The following C15orf40 variants were observed in gnomAD, a reference collection of about 807,000 sequenced individuals.
C15orf40 encodes UPF0235 protein C15orf40.
In C15orf40, 9 loss-of-function variants were observed where a neutral mutation model predicts 13.9. The observed-to-expected ratio is 0.65, with a 90% CI of 0.39 to 1.13. C15orf40 has a LOEUF of 1.13. C15orf40 is among the 50% of genes most tolerant of loss of function. C15orf40 has a pLI of 0.01. For missense variants in C15orf40, 225 were observed against 188.5 expected (o/e 1.19, Z -1.13); for synonymous variants, 95 against 69.2 (o/e 1.37, Z -1.85).
chr15:82,989,323 G>C, downstream of C15orf40: 2 of 680,796 alleles, frequency 2.9e-6, no homozygotes, highest in Non-Finnish European at 4.5e-6. Flanking sequence ...ACAGTACCTG[G>C]TACATCATTT....
At position 83,004,687 on chromosome 15, in the gene C15orf40, AC is replaced by A; in HGVS notation, c.*909del. 1.1e-6 allele frequency: 1 copy of A among 920,544 alleles called. No individual in the cohort carries two copies. Among genetic ancestry groups the A allele is most frequent in the Non-Finnish European group, 1.3e-6 (1 of 768,646 alleles). 57.0% of individuals were successfully genotyped at this position (920,544 alleles called of 1,614,324 possible). A position where few individuals can be genotyped will look rare whatever the true frequency, so the allele number is the denominator to read the frequency against. ...TAATTACAAGTCATGATTTTTCTTT[AC>A]TTTTTCAACAAAATGGTAAATATAG... On this transcript the variant is annotated 3_prime_UTR_variant, in exon 4 of 4. Transcript: ENST00000304177.
chr15:82,990,155 C>G, downstream of C15orf40: 1 of 520,274 alleles, frequency 1.9e-6, no homozygotes, highest in South Asian at 4.9e-5. Flanking sequence ...AGTTTTACAT[C>G]TGATTTTACA....
chr15:82,990,543 CTT>C (rs397854504), downstream of C15orf40: 15,797 of 662,570 alleles, frequency 0.024, no homozygotes, highest in Admixed American at 0.028. Context: ...AAAACAATTG[CTT>C]TTTTTTTTTT....
At chr15:83,007,074 GC>G (rs1190147194) in intron 3 of C15orf40, among the ~76,000 whole-genome samples, 2 of 152,108 alleles carry the variant, frequency 1.3e-5, no homozygotes, top group African/African-American at 4.8e-5. Flanking sequence ...ACATGGCTGG[GC>G]CCCCCTCCTG....
At position 83,003,121 on chromosome 15, in the gene C15orf40, CTTTTT is replaced by C. The variant is rs781626119; in HGVS notation, c.*2471_*2475del. ...CAACACGCCTGACCAAAAGTTGATC[CTTTTT>C]TTTTTTTTTTTTTTTTGAGATGGAG... On this transcript the variant is annotated 3_prime_UTR_variant, in exon 4 of 4. Transcript: ENST00000304177. 7.0e-5 allele frequency: 8 copies of C among 114,520 alleles called. No individual in the cohort carries two copies. Among genetic ancestry groups the C allele is most frequent in the African/African-American group, 1.4e-4 (4 of 29,554 alleles). 7.1% of individuals were successfully genotyped at this position (114,520 alleles called of 1,614,324 possible). A position where few individuals can be genotyped will look rare whatever the true frequency, so the allele number is the denominator to read the frequency against.
downstream of C15orf40, among the ~76,000 whole-genome samples, chr15:82,994,272 G>A (rs1364497390): frequency 6.6e-6 from 1 of 152,116 alleles, no homozygotes; most frequent in Non-Finnish European, 1.5e-5. Flanking sequence ...CCCTGAATCA[G>A]GTTATTGACA....
rs974502237 is a variant in C15orf40, at chr15:83,005,298, C to T, written c.*299G>A. 6 of 985,572 alleles carry T rather than the reference C, an allele frequency of 6.1e-6. No individual in the cohort carries two copies. Among genetic ancestry groups the T allele is most frequent in the African/African-American group, 1.8e-5 (1 of 56,884 alleles). 61.1% of individuals were successfully genotyped at this position (985,572 alleles called of 1,614,324 possible). On this transcript the variant is annotated 3_prime_UTR_variant, in exon 4 of 4. Transcript: ENST00000304177. ...GATGTATTTTTTATTTCTTTTTTTT[C>T]GGGGGGAGAGAGTTTCACTCTTGTT...
At chr15:83,008,955 T>C (rs1159905892) in intron 2 of C15orf40, among the ~76,000 whole-genome samples, 1 of 152,194 alleles carries the variant, frequency 6.6e-6, no homozygotes, top group East Asian at 1.9e-4. Context: ...ATCCTGGATT[T>C]AGGCAACTGG....
chr15:83,011,624 G>A lies in C15orf40; in HGVS notation c.-17C>T. On this transcript the variant is annotated 5_prime_UTR_variant, in exon 1 of 4. Transcript: ENST00000304177. ...CCGCAGCATCCCCGCCTGGGAAGGC[G>A]CCGGAAGAGCCCTCTGCGCTTGCGC... is the stretch of plus-strand genomic sequence containing the variant. 2.6e-6 allele frequency: 4 copies of A among 1,553,090 alleles called. No individual in the cohort carries two copies. Among genetic ancestry groups the A allele is most frequent in the Non-Finnish European group, 3.5e-6 (4 of 1,154,292 alleles).
chr15:83,010,597 T>C (rs1338397462), intron 1 of C15orf40: 1 of 469,282 alleles, frequency 2.1e-6, no homozygotes, highest in South Asian at 2.9e-5. Flanking sequence ...CAAGAAAACC[T>C]AACTCTGGCT....
chr15:82,995,356 C>A lies in C15orf40; in HGVS notation c.*10241G>T, dbSNP rs1019124001. On this transcript the variant is annotated 3_prime_UTR_variant, in exon 4 of 4. Coordinates refer to ENST00000304177, the MANE Select transcript of C15orf40 (RefSeq NM_144597.3). ...AGGCCTCTGGGTGCCAGAGAAACAT[C>A]TTGCTTCTGAGGAATTCAATTATCA... 1.3e-5 allele frequency: 2 copies of A among 152,274 alleles called. No individual in the cohort carries two copies. The highest frequency in any genetic ancestry group is 2.9e-5 in the Non-Finnish European group (2 of 68,082). The allele number at this position is 152,274 out of a possible 1,614,324, so 9.4% of individuals were successfully genotyped here.
rs2031439355 is a variant in C15orf40, at chr15:83,001,988, G to C, written c.*3609C>G. 6.6e-6 allele frequency: 1 copy of C among 152,250 alleles called. No individual in the cohort carries two copies. The allele number at this position is 152,250 out of a possible 1,614,324, so 9.4% of individuals were successfully genotyped here. On this transcript the variant is annotated 3_prime_UTR_variant, in exon 4 of 4. Coordinates refer to ENST00000304177, the MANE Select transcript of C15orf40 (RefSeq NM_144597.3). Reference sequence around the variant, plus strand: ...AGTGGTGTGATCCCGGCTCACTGCAGCTTCTGATTCCCGGGTTCAAGCAAT... The same window carrying C: ...AGTGGTGTGATCCCGGCTCACTGCACCTTCTGATTCCCGGGTTCAAGCAAT...
downstream of C15orf40, among the ~76,000 whole-genome samples, chr15:82,992,697 A>T (rs1684521507): frequency 6.6e-6 from 1 of 152,142 alleles, no homozygotes; most frequent in South Asian, 2.1e-4. Context: ...GGAAGCTCAG[A>T]AGAGAGGTGG....
Position 83,011,513 on chromosome 15 carries a change from G to A in C15orf40, c.95C>T (p.Ala32Val). 6.2e-7 allele frequency: 1 copy of A among 1,606,338 alleles called. No individual in the cohort carries two copies. Among genetic ancestry groups the A allele is most frequent in the Non-Finnish European group, 8.5e-7 (1 of 1,177,956 alleles). ...GCTACTGGCCTTGGTCGTCGCACCA[G>A]CCTTCTTAGGCATCTCGGCGCAAAG... is the stretch of plus-strand genomic sequence containing the variant. ...RLLCAEMPKKAGATTKGKSQS... is the reference protein window; with the variant it reads ...RLLCAEMPKKVGATTKGKSQS... Residue 32 changes from alanine to valine, a missense_variant, in exon 1 of 4, where the codon GCT becomes GTT. Coordinates refer to ENST00000304177, the MANE Select transcript of C15orf40 (RefSeq NM_144597.3).
At position 83,008,664 on chromosome 15, in the gene C15orf40, C is replaced by T. The variant is rs1361607450; in HGVS notation, c.250G>A (p.Glu84Lys). 6.2e-7 allele frequency: 1 copy of T among 1,604,974 alleles called. No homozygotes were observed. The highest frequency in any genetic ancestry group is 8.5e-7 in the Non-Finnish European group (1 of 1,176,662). ...KQNAVTDLTAEAVNVAIAAPP... is the reference protein window; with the variant it reads ...KQNAVTDLTAKAVNVAIAAPP... The stretch of plus-strand genomic sequence containing the variant: ...GCTGCAATAGCTACATTTACAGCCT[C>T]TGCTGTCAAATCTGGAATGAAAATA... The change falls in exon 3 of 4, where the codon GAG becomes AAG. Residue 84 changes from glutamate (E) to lysine (K), a missense_variant. Coordinates refer to ENST00000304177, the MANE Select transcript of C15orf40 (RefSeq NM_144597.3).
chr15:83,003,291 A>G lies in C15orf40; in HGVS notation c.*2306T>C, dbSNP rs1408657020. 6.6e-6 allele frequency: 1 copy of G among 151,568 alleles called. No homozygotes were observed. The allele number at this position is 151,568 out of a possible 1,614,324, so 9.4% of individuals were successfully genotyped here. ...CAGGCATGTGCCACCACGCCCAGCT[A>G]ATTTTTTGTATTTTTAGTAGAGATG... On this transcript the variant is annotated 3_prime_UTR_variant, in exon 4 of 4. Coordinates refer to ENST00000304177, the MANE Select transcript of C15orf40 (RefSeq NM_144597.3).
rs1269767180 is a variant in C15orf40 at position 83,004,458 on chromosome 15, G to A, written c.*1139C>T. 3.3e-5 allele frequency: 28 copies of A among 837,722 alleles called. No homozygotes were observed. The highest frequency in any genetic ancestry group is 3.7e-5 in the Non-Finnish European group (26 of 695,432). The allele number at this position is 837,722 out of a possible 1,614,324, so 51.9% of individuals were successfully genotyped here. A position where few individuals can be genotyped will look rare whatever the true frequency, so the allele number is the denominator to read the frequency against. ...AATTACTATAACTTGACCTGAAGAT[G>A]TAAAAATATATTATTAGCTTTTGAA... On this transcript the variant is annotated 3_prime_UTR_variant, in exon 4 of 4. Transcript: ENST00000304177.
In C15orf40 at chr15:83,005,704, G is replaced by C. The variant is rs532221294; in HGVS notation, c.367-12C>G. 54 of 1,608,690 alleles carry C rather than the reference G, an allele frequency of 3.4e-5. 1 individual carries two copies. In the South Asian group the frequency reaches 5.1e-4, roughly 15 times the overall value. On this transcript the variant is annotated splice_polypyrimidine_tract_variant and intron_variant, in intron 3 of 3. Coordinates refer to ENST00000304177, the MANE Select transcript of C15orf40 (RefSeq NM_144597.3). ...CGAGATTTACCACCCTGGACCAAAAGAGAAAAAGCATACTTTACTGTTTAG... is the reference window on the plus strand; with the variant it reads ...CGAGATTTACCACCCTGGACCAAAACAGAAAAAGCATACTTTACTGTTTAG...
downstream of C15orf40, among the ~76,000 whole-genome samples, chr15:82,993,374 G>C: frequency 6.6e-6 from 1 of 152,196 alleles, no homozygotes; most frequent in East Asian, 1.9e-4. Flanking sequence ...AGATGAGGTA[G>C]GGCAGAAGAC....
Sources: gnomAD v4.1 joint callset for allele counts (sites outside exome capture counted in the v4.1 genomes callset) on GRCh38, gnomAD v4.1.1 for gene constraint, MANE v1.5 for transcripts, NCBI Gene and HGNC (gene_info 2026-07-23, HGNC 2026-07-21) for gene names.